KANSL1L: variants seen among roughly 807,000 people sequenced by gnomAD.
KANSL1L encodes the protein KAT8 regulatory NSL complex subunit 1-like protein.
Under a neutral mutation model 108.6 loss-of-function variants are expected in KANSL1L, and 25 were observed. The ratio of observed to expected loss-of-function variants is 0.23; its 90% CI spans 0.17 to 0.32. The LOEUF (loss-of-function observed/expected upper bound fraction) is 0.32, where lower values mean the gene tolerates loss of function less well. Among genes scored for constraint, KANSL1L ranks in the 10% least tolerant of loss-of-function variants. The pLI is 1.00. For synonymous variants in KANSL1L, 405 were observed against 395.1 expected (o/e 1.03, Z -0.30); for missense variants, 1,137 against 1,125.7 (o/e 1.01, Z -0.14).
intron 2 of KANSL1L, among the ~76,000 whole-genome samples, chr2:210,135,096 C>T (rs887243140): frequency 1.3e-5 from 2 of 152,250 alleles, no homozygotes; most frequent in Admixed American, 1.3e-4. Context: ...CAGGAACTAT[C>T]ATATATGGCC....
intron 3 of KANSL1L, among the ~76,000 whole-genome samples, chr2:210,125,014 G>A (rs532934113): frequency 1.8e-4 from 27 of 152,144 alleles, no homozygotes; most frequent in Non-Finnish European, 3.2e-4. Context: ...AGCACTTAGG[G>A]AGGCCAAGGC....
chr2:210,108,559 C>T (rs943076755), intron 3 of KANSL1L, among the ~76,000 whole-genome samples: 38 of 152,158 alleles, frequency 2.5e-4, no homozygotes, highest in African/African-American at 7.2e-4. Flanking sequence ...TGCAAACCCA[C>T]TTTCTTTGAA....
chr2:210,053,809 T>C (rs2094319109), intron 6 of KANSL1L, among the ~76,000 whole-genome samples: 1 of 151,948 alleles, frequency 6.6e-6, no homozygotes, highest in African/African-American at 2.4e-5. Flanking sequence ...CAAATTTCCT[T>C]AATATATATG....
At chr2:210,141,336 A>C (rs144309503) in intron 2 of KANSL1L, among the ~76,000 whole-genome samples, 8 of 152,192 alleles carry the variant, frequency 5.3e-5, no homozygotes, top group African/African-American at 1.2e-4. Flanking sequence ...CTCAAAATTC[A>C]TATGTTAAAA....
At chr2:210,141,194 C>A (rs2095226185) in intron 2 of KANSL1L, among the ~76,000 whole-genome samples, 2 of 150,984 alleles carry the variant, frequency 1.3e-5, no homozygotes, top group Non-Finnish European at 3.0e-5. Context: ...CTCCCTTTCT[C>A]TTTTTCTTTT....
intron 12 of KANSL1L, among the ~76,000 whole-genome samples, chr2:210,026,805 C>G (rs1463855082): frequency 2.6e-5 from 4 of 152,118 alleles, no homozygotes; most frequent in African/African-American, 7.2e-5. Flanking sequence ...GAGTCTTGCT[C>G]TGTTGCCCAG....
Position 210,075,848 on chromosome 2 carries a change from T to G in KANSL1L, c.1551-92A>C, listed in dbSNP as rs540578018. 11 of 927,472 alleles carry G rather than the reference T, an allele frequency of 1.2e-5. No homozygotes were observed. In the African/African-American group the frequency reaches 1.5e-4, roughly 13 times the overall value. The allele number at this position is 927,472 out of a possible 1,614,324, so 57.5% of individuals were successfully genotyped here. ...CAAAGAAAACTAAATGTAAATTGCC[T>G]TGATCTATTATGACAGAAAAGTATT... On this transcript the variant is annotated intron_variant, in intron 5 of 14. Coordinates refer to ENST00000281772, the MANE Select transcript of KANSL1L (RefSeq NM_152519.4).
chr2:210,165,591 G>C (rs1448457264), intron 1 of KANSL1L, among the ~76,000 whole-genome samples: 1 of 152,076 alleles, frequency 6.6e-6, no homozygotes, highest in East Asian at 1.9e-4. Context: ...CAATCACTGT[G>C]AATTAAGGCA....
chr2:210,039,068 C>T (rs2094137739), intron 8 of KANSL1L, among the ~76,000 whole-genome samples: 1 of 151,838 alleles, frequency 6.6e-6, no homozygotes, highest in Admixed American at 6.6e-5. Flanking sequence ...CTATCAGAAC[C>T]ACCATGTTTT....
At chr2:210,032,830 C>T (rs2094038417) in intron 8 of KANSL1L, 1 of 152,076 alleles carries the variant, frequency 6.6e-6, no homozygotes, top group Admixed American at 6.5e-5. Flanking sequence ...AAAAGAGGTA[C>T]AAACCACAAG....
At chr2:210,110,734 C>T (rs1001131781) in intron 3 of KANSL1L, among the ~76,000 whole-genome samples, 1 of 152,112 alleles carries the variant, frequency 6.6e-6, no homozygotes, top group Non-Finnish European at 1.5e-5. Flanking sequence ...AATTGACAAA[C>T]ATACAATATT....
At chr2:210,165,787 G>T (rs1297390102) in intron 1 of KANSL1L, among the ~76,000 whole-genome samples, 2 of 152,198 alleles carry the variant, frequency 1.3e-5, no homozygotes. Context: ...CTGAAATTGT[G>T]TAACAGTAGT....
At chr2:210,159,826 C>T (rs2095352188) in intron 1 of KANSL1L, among the ~76,000 whole-genome samples, 1 of 151,914 alleles carries the variant, frequency 6.6e-6, no homozygotes, top group Non-Finnish European at 1.5e-5. Flanking sequence ...CCGAGGCAGG[C>T]GGATCGAGAC....
chr2:210,116,615 G>A (rs552267165), intron 3 of KANSL1L, among the ~76,000 whole-genome samples: 1 of 152,272 alleles, frequency 6.6e-6, no homozygotes, highest in East Asian at 1.9e-4. Flanking sequence ...TCCAGAGAAT[G>A]CTTTTGGATC....
chr2:210,075,793 A>C, intron 5 of KANSL1L, 37 bp from the exon 6 acceptor site: 1 of 1,453,646 alleles, frequency 6.9e-7, no homozygotes, highest in Non-Finnish European at 9.6e-7. Flanking sequence ...GTGGGAAGGG[A>C]ATAAAACAAA....
chr2:210,151,699 G>C (rs2095305075), intron 2 of KANSL1L: 1 of 152,066 alleles, frequency 6.6e-6, no homozygotes, highest in Non-Finnish European at 1.5e-5. Flanking sequence ...TACCTGCTAG[G>C]GTTGTTGAAA....
At chr2:210,114,621 C>T (rs1011526026) in intron 3 of KANSL1L, among the ~76,000 whole-genome samples, 1 of 152,008 alleles carries the variant, frequency 6.6e-6, no homozygotes, top group Non-Finnish European at 1.5e-5. Flanking sequence ...ATTTAAATAA[C>T]TAGTACATTA....
intron 5 of KANSL1L, among the ~76,000 whole-genome samples, chr2:210,087,559 G>C (rs999599219): frequency 2.6e-5 from 4 of 152,092 alleles, no homozygotes; most frequent in Non-Finnish European, 4.4e-5. Flanking sequence ...TGCTGAGTAT[G>C]GGCAAGAAAT....
At chr2:210,094,573 C>T (rs541474280) in intron 5 of KANSL1L, among the ~76,000 whole-genome samples, 1 of 152,092 alleles carries the variant, frequency 6.6e-6, no homozygotes, top group Admixed American at 6.5e-5. Context: ...TACTTCAATC[C>T]AGATATCTTT....
Sources: gnomAD v4.1 joint callset for allele counts (sites outside exome capture counted in the v4.1 genomes callset) on GRCh38, gnomAD v4.1.1 for gene constraint, MANE v1.5 for transcripts, NCBI Gene and HGNC (gene_info 2026-07-23, HGNC 2026-07-21) for gene names.